NTRK3: variants seen among roughly 807,000 people sequenced by gnomAD.
The protein encoded by NTRK3 is neurotrophic receptor tyrosine kinase 3.
NTRK3 carries 24 observed loss-of-function variants against 91.7 expected under a neutral mutation model. The ratio of observed to expected loss-of-function variants is 0.26; its 90% CI spans 0.19 to 0.37. The LOEUF (loss-of-function observed/expected upper bound fraction) is 0.37. NTRK3 is among the 10% of genes least tolerant of loss of function. The probability of loss-of-function intolerance (pLI) is 1.00; values close to 1 mark genes in which losing one functional copy is unlikely to be tolerated. For missense variants in NTRK3, 880 were observed against 1,068.9 expected, an observed-to-expected ratio of 0.82 and a Z score of 2.46; for synonymous variants, 483 against 404.0, an observed-to-expected ratio of 1.20 and a Z score of -2.34.
At chr15:88,164,474 G>C (rs2044748645) in intron 5 of NTRK3, among the ~76,000 whole-genome samples, 1 of 152,200 alleles carries the variant, frequency 6.6e-6, no homozygotes, top group Non-Finnish European at 1.5e-5. Context: ...GTCTTCATCA[G>C]AACTCTTCCA....
chr15:88,154,973 G>T (rs941699389), intron 5 of NTRK3, among the ~76,000 whole-genome samples: 3 of 152,134 alleles, frequency 2.0e-5, no homozygotes, highest in Non-Finnish European at 4.4e-5. Context: ...TAAGCCAGGG[G>T]TCAGCAAGCT....
At chr15:88,143,754 C>T (rs528615641) in intron 6 of NTRK3, among the ~76,000 whole-genome samples, 13 of 152,286 alleles carry the variant, frequency 8.5e-5, no homozygotes, top group South Asian at 2.1e-4. Flanking sequence ...AAAGTCATCA[C>T]GGCCAAGACT....
At chr15:87,944,062 A>G (rs2142048973) in intron 14 of NTRK3, among the ~76,000 whole-genome samples, 1 of 152,296 alleles carries the variant, frequency 6.6e-6, no homozygotes, top group East Asian at 1.9e-4. Flanking sequence ...GAATTCTGAC[A>G]CCAATACCTG....
intron 13 of NTRK3, among the ~76,000 whole-genome samples, chr15:88,087,880 C>G (rs1229155051): frequency 6.6e-6 from 1 of 152,154 alleles, no homozygotes; most frequent in African/African-American, 2.4e-5. Context: ...GAAACCTCAT[C>G]TCTACTAAAA....
exon 17 of NTRK3, chr15:87,929,335 G>A (rs758757427): frequency 3.2e-5 from 52 of 1,614,038 alleles, no homozygotes; most frequent in African/African-American, 3.2e-4. Flanking sequence ...TACCCGAGGC[G>A]ATCTGACTGG....
In NTRK3 at chr15:88,168,544, C is replaced by T. The variant is rs117768210; in HGVS notation, c.395+14874G>A. ...TCTTTTCCACACAATAAATAAGGAG[C>T]ACACGGTTGCTCTTTGCAAACACCA... On this transcript the variant is annotated intron_variant, in intron 5 of 18. Coordinates refer to ENST00000394480, the Ensembl canonical transcript of NTRK3. Among the ~76,000 whole-genome samples the T allele has an allele frequency of 5.5e-3, 838 of 152,320 alleles. 21 individuals are homozygous for T. In the East Asian group the frequency reaches 0.057, roughly 10 times the overall value.
intron 14 of NTRK3, among the ~76,000 whole-genome samples, chr15:87,999,018 C>T (rs2075910633): frequency 6.6e-6 from 1 of 152,180 alleles, no homozygotes; most frequent in South Asian, 2.1e-4. Context: ...CCAAAGGATC[C>T]CCATTTCCAA....
At chr15:88,232,845 C>A (rs1004485758) in intron 3 of NTRK3, among the ~76,000 whole-genome samples, 1 of 152,138 alleles carries the variant, frequency 6.6e-6, no homozygotes, top group African/African-American at 2.4e-5. Flanking sequence ...GATCATTCAA[C>A]CCTAAAGAGT....
At chr15:88,138,735 A>T (rs1392275633) in intron 6 of NTRK3, among the ~76,000 whole-genome samples, 1 of 152,106 alleles carries the variant, frequency 6.6e-6, no homozygotes, top group Admixed American at 6.5e-5. Flanking sequence ...GCCATGCTAT[A>T]TTTGTCTTTC....
chr15:88,203,817 T>C (rs1305057964), intron 3 of NTRK3, among the ~76,000 whole-genome samples: 1 of 152,200 alleles, frequency 6.6e-6, no homozygotes, highest in Non-Finnish European at 1.5e-5. Context: ...AAAATATGTA[T>C]GTCTATTATG....
chr15:88,205,536 G>A (rs941127245), intron 3 of NTRK3, among the ~76,000 whole-genome samples: 3 of 152,072 alleles, frequency 2.0e-5, no homozygotes, highest in African/African-American at 7.2e-5. Flanking sequence ...ATGAGCTCTG[G>A]TATATCATCC....
At chr15:87,918,956 G>C (rs1318314771) in intron 17 of NTRK3, among the ~76,000 whole-genome samples, 2 of 152,192 alleles carry the variant, frequency 1.3e-5, no homozygotes, top group African/African-American at 4.8e-5. Flanking sequence ...CTGGGACTCA[G>C]TTCTTTCAGT....
chr15:87,887,266 G>C (rs1025582586), intron 17 of NTRK3, among the ~76,000 whole-genome samples: 1 of 152,134 alleles, frequency 6.6e-6, no homozygotes, highest in Non-Finnish European at 1.5e-5. Flanking sequence ...TGTGGATGAA[G>C]TTTATACTGC....
chr15:88,256,088 C>A, exon 3 of NTRK3: 1 of 1,612,984 alleles, frequency 6.2e-7, no homozygotes, highest in Non-Finnish European at 8.5e-7. Flanking sequence ...CATAGTCCAG[C>A]CAGACGCTTC....
chr15:88,009,281 A>AT (rs2076706405), intron 14 of NTRK3, among the ~76,000 whole-genome samples: 2 of 151,984 alleles, frequency 1.3e-5, no homozygotes, highest in East Asian at 1.9e-4. Context: ...TTTATTCCTT[A>AT]TTTTTTTAAA....
At chr15:88,184,435 C>T in intron 3 of NTRK3, 136 bp from the exon 4 acceptor site, 1 of 848,672 alleles carries the variant, frequency 1.2e-6, no homozygotes, top group East Asian at 2.6e-5. Context: ...CCAAATAAAT[C>T]TGAGCCTCAG....
intron 5 of NTRK3, among the ~76,000 whole-genome samples, chr15:88,154,409 C>T (rs529095281): frequency 6.6e-6 from 1 of 152,348 alleles, no homozygotes; most frequent in South Asian, 2.1e-4. Context: ...AAATCTAATG[C>T]CTATGACAAG....
chr15:88,115,250 G>T (rs2051910061), intron 13 of NTRK3, among the ~76,000 whole-genome samples: 1 of 152,220 alleles, frequency 6.6e-6, no homozygotes, highest in African/African-American at 2.4e-5. Flanking sequence ...AGCACACACA[G>T]CTCCCTCAGG....
rs1185325143 is a variant in NTRK3 at position 88,241,837 on chromosome 15, T to C, written c.248+14069A>G. ...TCTGCCGTGCACTCTCAGCAAAGCT[T>C]GGCCCACCTCCCCTCTCCAGAGGTC... On this transcript the variant is annotated intron_variant, in intron 3 of 18. Transcript: ENST00000394480. The surrounding 1 kb of genome is among the most constrained non-coding windows in gnomAD (Gnocchi z 4.3). Among the ~76,000 whole-genome samples the C allele has an allele frequency of 6.6e-6, 1 of 152,132 alleles. No homozygotes were observed. Among genetic ancestry groups the C allele is most frequent in the African/African-American group, 2.4e-5 (1 of 41,432 alleles).
Sources: gnomAD v4.1 joint callset for allele counts (sites outside exome capture counted in the v4.1 genomes callset) on GRCh38, gnomAD v4.1.1 for gene constraint, Gnocchi (gnomAD v3.1) non-coding constraint, MANE v1.5 for transcripts, NCBI Gene and HGNC (gene_info 2026-07-23, HGNC 2026-07-21) for gene names.